The following ETV5 variants were observed in gnomAD, a reference collection of about 807,000 sequenced individuals.
The protein encoded by ETV5 is ETS translocation variant 5.
A neutral mutation model predicts 70.0 loss-of-function variants in ETV5; 10 were observed. The observed-to-expected ratio is 0.14, with a 90% CI of 0.09 to 0.24. The LOEUF is 0.24. Among genes scored for constraint, ETV5 ranks in the 10% least tolerant of loss-of-function variants. The pLI is 1.00. For synonymous variants in ETV5, 216 were observed against 242.2 expected, an observed-to-expected ratio of 0.89 and a Z score of 1.01; for missense variants, 453 against 651.2, an observed-to-expected ratio of 0.70 and a Z score of 3.31.
At chr3:186,070,415 A>G (rs1713603459) in intron 7 of ETV5, among the ~76,000 whole-genome samples, 1 of 152,220 alleles carries the variant, frequency 6.6e-6, no homozygotes, top group Non-Finnish European at 1.5e-5. Flanking sequence ...AGGAAAAGGT[A>G]CTTCCACATG....
At chr3:186,106,307 T>C (rs1560058392) in intron 1 of ETV5, among the ~76,000 whole-genome samples, 1 of 152,234 alleles carries the variant, frequency 6.6e-6, no homozygotes, top group Non-Finnish European at 1.5e-5. Flanking sequence ...AGTAGGGTTT[T>C]TAAAAAAGAG....
intron 7 of ETV5, among the ~76,000 whole-genome samples, chr3:186,068,480 G>GT (rs11404969): frequency 0.061 from 9,279 of 152,196 alleles, 900 homozygotes; most frequent in East Asian, 0.47. Flanking sequence ...AATATGCACT[G>GT]TTTTTTAACA....
At position 186,048,664 on chromosome 3, in the gene ETV5, G is replaced by C; in HGVS notation, c.1508C>G (p.Pro503Arg). 1 of 1,614,158 alleles carries C rather than the reference G, an allele frequency of 6.2e-7. No homozygotes were observed. Reference sequence around the variant, plus strand: ...TTAGTAAGCAAAGCCTTCGGCATAGGGGAGGCTGCTGCAGCGGTCCATGTC... The same window carrying C: ...TTAGTAAGCAAAGCCTTCGGCATAGCGGAGGCTGCTGCAGCGGTCCATGTC... ...LLDMDRCSSL[P>R]YAEGFAY is the part of the protein sequence containing the mutation. The change falls in exon 13 of 13, where the codon CCC (proline) becomes CGC (arginine). Residue 503 changes from proline to arginine, a missense_variant. Transcript: ENST00000306376.
chr3:186,069,520 T>TTA lies in ETV5; in HGVS notation c.651-3449_651-3448insTA, dbSNP rs1553787495. Among the ~76,000 whole-genome samples, 44 of 147,556 alleles carry TTA rather than the reference T, an allele frequency of 3.0e-4. No individual in the cohort carries two copies. The East Asian group carries it at 3.5e-3, about 12-fold the overall frequency. Reference sequence around the variant, plus strand: ...GAAGTTGTTTTTTTTTTTTTTTTTTTAAAAAAAGTCTAAAAAAAGACTTAA... The same window carrying TTA: ...GAAGTTGTTTTTTTTTTTTTTTTTTTTAAAAAAAAGTCTAAAAAAAGACTTAA... On this transcript the variant is annotated intron_variant, in intron 7 of 12. Transcript: ENST00000306376.
intron 9 of ETV5, among the ~76,000 whole-genome samples, chr3:186,062,972 A>G (rs1713342634): frequency 6.6e-6 from 1 of 152,158 alleles, no homozygotes; most frequent in Non-Finnish European, 1.5e-5. Flanking sequence ...ACAAAAGTTT[A>G]TATTTGAAAG....
chr3:186,072,297 G>A (rs958610255), intron 7 of ETV5, among the ~76,000 whole-genome samples: 21 of 151,784 alleles, frequency 1.4e-4, no homozygotes, highest in Admixed American at 9.2e-4. Flanking sequence ...CAGGAGAACT[G>A]CTTGAACCCG....
In ETV5 at chr3:186,105,854, A is replaced by T; in HGVS notation, c.15T>A (p.Tyr5Ter). Reference sequence around the variant, plus strand: ...GGACCATAAAAGGGACTTGCTGATCATAAAACCCGTCCATGGTGCTTTCAG... The same window carrying T: ...GGACCATAAAAGGGACTTGCTGATCTTAAAACCCGTCCATGGTGCTTTCAG... MDGF[Y>*]DQQVPFMVPG... is the part of the protein sequence containing the mutation. The change falls in exon 2 of 13, where the codon TAT becomes TAA. Residue 5 changes from tyrosine (Y) to a stop codon, truncating the protein, a stop_gained. Coordinates refer to ENST00000306376, the MANE Select transcript of ETV5 (RefSeq NM_004454.3). LOFTEE classifies it high-confidence loss of function. This position sits in a 1 kb window ranked among gnomAD's most constrained non-coding sequence, Gnocchi z 4.5. 6.2e-7 allele frequency: 1 copy of T among 1,614,166 alleles called. No homozygotes were observed. Among genetic ancestry groups the T allele is most frequent in the East Asian group, 2.2e-5 (1 of 44,890 alleles).
intron 5 of ETV5, 99 bp from the exon 6 acceptor site, chr3:186,081,274 T>C (rs1284060458): frequency 9.8e-6 from 12 of 1,228,842 alleles, no homozygotes; most frequent in Non-Finnish European, 1.2e-5. Context: ...TAGCTGATTG[T>C]TCTTGGAACT....
intron 5 of ETV5, among the ~76,000 whole-genome samples, chr3:186,100,916 G>A (rs1380959881): frequency 6.6e-6 from 1 of 152,144 alleles, no homozygotes; most frequent in Non-Finnish European, 1.5e-5. Context: ...GACCCAAAAT[G>A]TATATTTAAA....
intron 7 of ETV5, among the ~76,000 whole-genome samples, chr3:186,069,543 T>TA (rs1010536113): frequency 1.5e-4 from 23 of 150,756 alleles, no homozygotes; most frequent in African/African-American, 4.4e-4. Flanking sequence ...AAAAAAGACT[T>TA]AAAAAAAAGT....
In ETV5 at chr3:186,108,745, C is replaced by A. The variant is rs574401802; in HGVS notation, c.-75+195G>T. 8.6e-5 allele frequency: 83 copies of A among 962,570 alleles called. No homozygotes were observed. In the South Asian group the frequency reaches 1.3e-3, roughly 15 times the overall value. 59.6% of individuals were successfully genotyped at this position (962,570 alleles called of 1,614,324 possible). On this transcript the variant is annotated intron_variant, in intron 1 of 12. Coordinates refer to ENST00000306376, the MANE Select transcript of ETV5 (RefSeq NM_004454.3). ...TCCGGAACCGTTAGCCGCACCCGCC[C>A]GACGCCTCCCAGGAACCAAACCGGA...
intron 7 of ETV5, among the ~76,000 whole-genome samples, chr3:186,076,041 A>G (rs2150147972): frequency 6.6e-6 from 1 of 152,360 alleles, no homozygotes; most frequent in South Asian, 2.1e-4. Flanking sequence ...CATCATAAAT[A>G]ACACAATGAG....
intron 5 of ETV5, among the ~76,000 whole-genome samples, chr3:186,097,955 C>T (rs1714345192): frequency 1.3e-5 from 2 of 152,208 alleles, no homozygotes; most frequent in Non-Finnish European, 2.9e-5. Context: ...ATGCTCCATT[C>T]AGGCAAGAGG....
At chr3:186,062,202 T>G (rs1327265144) in intron 9 of ETV5, among the ~76,000 whole-genome samples, 1 of 152,244 alleles carries the variant, frequency 6.6e-6, no homozygotes, top group Non-Finnish European at 1.5e-5. Context: ...TTGGGTGCTA[T>G]AGAGATGACA....
At chr3:186,053,387 C>A (rs1713080715) in intron 11 of ETV5, among the ~76,000 whole-genome samples, 1 of 152,208 alleles carries the variant, frequency 6.6e-6, no homozygotes, top group Non-Finnish European at 1.5e-5. Flanking sequence ...TAGGCATGAG[C>A]CACTGCACCC....
chr3:186,105,848 C>T lies in ETV5; in HGVS notation c.21G>A (p.Gln7=). 6.2e-7 allele frequency: 1 copy of T among 1,614,038 alleles called. No homozygotes were observed. The highest frequency in any genetic ancestry group is 1.3e-5 in the African/African-American group (1 of 75,030). MDGFYD[Q]QVPFMVPGKS... ...CCCCTGGGACCATAAAAGGGACTTG[C>T]TGATCATAAAACCCGTCCATGGTGC... The change falls in exon 2 of 13, where the codon CAG becomes CAA. Residue 7 remains glutamine, a synonymous_variant. Coordinates refer to ENST00000306376, the MANE Select transcript of ETV5 (RefSeq NM_004454.3). The surrounding 1 kb of genome is among the most constrained non-coding windows in gnomAD (Gnocchi z 4.5).
chr3:186,049,436 T>TTA (rs1308658914), intron 12 of ETV5, among the ~76,000 whole-genome samples: 1 of 152,174 alleles, frequency 6.6e-6, no homozygotes, highest in Non-Finnish European at 1.5e-5. Flanking sequence ...GTTTTCTGCA[T>TTA]TATAATATTA....
intron 7 of ETV5, among the ~76,000 whole-genome samples, chr3:186,069,504 T>G (rs969338246): frequency 3.0e-4 from 32 of 105,034 alleles, no homozygotes; most frequent in African/African-American, 8.0e-4. Flanking sequence ...CGAAGTTGTT[T>G]TTTTTTTTTT....
intron 5 of ETV5, among the ~76,000 whole-genome samples, chr3:186,101,526 G>T (rs929135073): frequency 2.0e-5 from 3 of 152,080 alleles, no homozygotes; most frequent in South Asian, 2.1e-4. Flanking sequence ...AAGCATGAAG[G>T]TATTGAGTAA....
Sources: allele counts gnomAD v4.1 joint callset (sites outside exome capture counted in the v4.1 genomes callset), GRCh38; gene constraint gnomAD v4.1.1; non-coding constraint Gnocchi (gnomAD v3.1); transcripts MANE v1.5; gene names NCBI Gene and HGNC (gene_info 2026-07-23, HGNC 2026-07-21).